Variants in LHFPL3 observed in about 807,000 individuals in gnomAD.
The protein encoded by LHFPL3 is LHFPL tetraspan subfamily member 3.
Under a neutral mutation model 19.3 loss-of-function variants are expected in LHFPL3, and 5 were observed. That is an observed-to-expected ratio of 0.26 (90% CI 0.14 to 0.54). The LOEUF is 0.54. Among genes scored for constraint, LHFPL3 ranks in the 20% least tolerant of loss-of-function variants. The pLI, the probability that LHFPL3 is intolerant of heterozygous loss-of-function variation, is 0.94. For synonymous variants in LHFPL3, 133 were observed against 126.2 expected, an observed-to-expected ratio of 1.05 and a Z score of -0.36; for missense variants, 249 against 307.4, an observed-to-expected ratio of 0.81 and a Z score of 1.42.
At chr7:104,695,664 C>A (rs1025169615) in intron 1 of LHFPL3, among the ~76,000 whole-genome samples, 5 of 152,188 alleles carry the variant, frequency 3.3e-5, no homozygotes, top group African/African-American at 9.6e-5. Context: ...AATAGGGTGA[C>A]AAGAGGAAGG....
intron 1 of LHFPL3, among the ~76,000 whole-genome samples, chr7:104,650,498 T>G (rs2115936488): frequency 6.6e-6 from 1 of 152,280 alleles, no homozygotes; most frequent in Non-Finnish European, 1.5e-5. Flanking sequence ...ATGAGGAATA[T>G]TAGGGAAATA....
intron 1 of LHFPL3, among the ~76,000 whole-genome samples, chr7:104,576,943 A>G (rs1392300484): frequency 6.6e-6 from 1 of 152,208 alleles, no homozygotes; most frequent in East Asian, 1.9e-4. Context: ...ATCTGTCACC[A>G]GAGTTTATCT....
intron 1 of LHFPL3, among the ~76,000 whole-genome samples, chr7:104,726,728 A>G (rs1475522195): frequency 1.3e-5 from 2 of 152,160 alleles, no homozygotes; most frequent in East Asian, 3.8e-4. Context: ...TATCCAGTCT[A>G]TCATTAATGG....
At chr7:104,739,759 A>G (rs372869266) in intron 2 of LHFPL3, among the ~76,000 whole-genome samples, 4 of 152,344 alleles carry the variant, frequency 2.6e-5, no homozygotes, top group Admixed American at 6.5e-5. Flanking sequence ...TATTCAGCAC[A>G]TGATGACTTT....
intron 1 of LHFPL3, among the ~76,000 whole-genome samples, chr7:104,633,060 G>A (rs556635455): frequency 6.6e-6 from 1 of 152,116 alleles, no homozygotes. Context: ...AGTACAAAGG[G>A]TGATGGTGAT....
At chr7:104,587,203 T>G (rs1223947215) in intron 1 of LHFPL3, among the ~76,000 whole-genome samples, 1 of 152,228 alleles carries the variant, frequency 6.6e-6, no homozygotes, top group African/African-American at 2.4e-5. Flanking sequence ...ATGTGCCATG[T>G]TGGTGTGCTG....
chr7:104,507,087 T>G (rs976485415), intron 1 of LHFPL3, among the ~76,000 whole-genome samples: 5 of 152,168 alleles, frequency 3.3e-5, no homozygotes, highest in African/African-American at 7.2e-5. Flanking sequence ...AAATTTTGTG[T>G]GAAGCAGCAA....
intron 1 of LHFPL3, among the ~76,000 whole-genome samples, chr7:104,680,116 G>T (rs142145725): frequency 1.3e-5 from 2 of 152,114 alleles, no homozygotes; most frequent in African/African-American, 2.4e-5. Flanking sequence ...CTTCAGAGTC[G>T]CAGAGAGGAA....
intron 1 of LHFPL3, among the ~76,000 whole-genome samples, chr7:104,343,716 G>T (rs1790006697): frequency 7.6e-6 from 1 of 131,058 alleles, no homozygotes; most frequent in South Asian, 2.5e-4. Flanking sequence ...TTACATTTGT[G>T]TGTATGGCTT....
At chr7:104,532,318 C>CTTTTT (rs71155504) in intron 1 of LHFPL3, among the ~76,000 whole-genome samples, 282 of 87,148 alleles carry the variant, frequency 3.2e-3, no homozygotes, top group East Asian at 4.1e-3. Flanking sequence ...TTCTTTCTGT[C>CTTTTT]TTTTTTTTTT....
At chr7:104,514,188 C>T (rs1017794451) in intron 1 of LHFPL3, among the ~76,000 whole-genome samples, 1 of 151,580 alleles carries the variant, frequency 6.6e-6, no homozygotes, top group African/African-American at 2.4e-5. Flanking sequence ...AAGAAGCTCT[C>T]TCTCTCTTTC....
At chr7:104,333,368 C>T (rs1374039263) in intron 1 of LHFPL3, among the ~76,000 whole-genome samples, 3 of 152,182 alleles carry the variant, frequency 2.0e-5, no homozygotes, top group Non-Finnish European at 4.4e-5. Flanking sequence ...GAAAGATACT[C>T]GCTTTCATCT....
chr7:104,435,012 G>A (rs766151762), intron 1 of LHFPL3, among the ~76,000 whole-genome samples: 28 of 152,166 alleles, frequency 1.8e-4, no homozygotes, highest in Non-Finnish European at 3.4e-4. Context: ...CATCTGGAAT[G>A]CATCTTTTTT....
intron 2 of LHFPL3, among the ~76,000 whole-genome samples, chr7:104,829,995 G>T (rs1790919525): frequency 6.6e-6 from 1 of 151,900 alleles, no homozygotes; most frequent in Non-Finnish European, 1.5e-5. Flanking sequence ...AGCACCTGTT[G>T]TTTCCTGACT....
chr7:104,894,871 T>C (rs930865201), intron 2 of LHFPL3: 11 of 152,194 alleles, frequency 7.2e-5, no homozygotes, highest in African/African-American at 1.4e-4. Context: ...ATCTAGGAAG[T>C]AGCCAACCCA....
chr7:104,750,736 T>C (rs2116343174), intron 2 of LHFPL3, among the ~76,000 whole-genome samples: 1 of 152,278 alleles, frequency 6.6e-6, no homozygotes, highest in Admixed American at 6.5e-5. Context: ...AACTGGCTTA[T>C]TCCCTGAAAC....
intron 1 of LHFPL3, among the ~76,000 whole-genome samples, chr7:104,614,994 A>T (rs1164701169): frequency 6.6e-6 from 1 of 151,992 alleles, no homozygotes; most frequent in Non-Finnish European, 1.5e-5. Context: ...GGCTCAAGCA[A>T]TCCATATGCT....
chr7:104,625,554 T>TG (rs1297775270), intron 1 of LHFPL3, among the ~76,000 whole-genome samples: 4 of 152,222 alleles, frequency 2.6e-5, no homozygotes, highest in Admixed American at 6.5e-5. Flanking sequence ...TTTGTTCCTC[T>TG]GTTTTTTTTT....
intron 1 of LHFPL3, among the ~76,000 whole-genome samples, chr7:104,713,862 G>A (rs144807050): frequency 6.6e-6 from 1 of 152,132 alleles, no homozygotes; most frequent in Non-Finnish European, 1.5e-5. Context: ...GTCCCAAGGG[G>A]AGTAACAATA....
Sources: gnomAD v4.1 joint callset for allele counts (sites outside exome capture counted in the v4.1 genomes callset) on GRCh38, gnomAD v4.1.1 for gene constraint, MANE v1.5 for transcripts, NCBI Gene and HGNC (gene_info 2026-07-23, HGNC 2026-07-21) for gene names.